SGCD: variants seen among roughly 807,000 people sequenced by gnomAD.
SGCD encodes sarcoglycan delta, also known as delta-sarcoglycan.
A neutral mutation model predicts 36.6 loss-of-function variants in SGCD; 18 were observed. The observed-to-expected ratio is 0.49, with a 90% confidence interval of 0.34 to 0.73. The LOEUF (loss-of-function observed/expected upper bound fraction) is 0.73. Ranked by LOEUF, SGCD falls within the 30% of genes least tolerant of loss-of-function variation. The pLI is 0.01. For synonymous variants in SGCD, 133 were observed against 130.6 expected, an observed-to-expected ratio of 1.02 and a Z score of -0.12; for missense variants, 387 against 346.7, an observed-to-expected ratio of 1.12 and a Z score of -0.92.
intron 4 of SGCD, among the ~76,000 whole-genome samples, chr5:156,561,287 G>C (rs1759257345): frequency 6.6e-6 from 1 of 152,134 alleles, no homozygotes; most frequent in South Asian, 2.1e-4. Flanking sequence ...GACCCTTCCA[G>C]GTCTGGCTTT....
chr5:156,578,998 G>A (rs1227715236), intron 4 of SGCD, among the ~76,000 whole-genome samples: 1 of 152,088 alleles, frequency 6.6e-6, no homozygotes, highest in Admixed American at 6.5e-5. Context: ...TTTTCATTGT[G>A]GTGTTAGGGT....
chr5:156,745,337 C>T (rs1017271992), intron 7 of SGCD, among the ~76,000 whole-genome samples: 1 of 152,190 alleles, frequency 6.6e-6, no homozygotes, highest in African/African-American at 2.4e-5. Context: ...GGCCTTCACT[C>T]TGGTTTGTAG....
At chr5:156,156,990 G>T (rs1229611037) in intron 3 of SGCD, among the ~76,000 whole-genome samples, 2 of 151,518 alleles carry the variant, frequency 1.3e-5, no homozygotes, top group Non-Finnish European at 2.9e-5. Flanking sequence ...TTTAGTTAAA[G>T]CAGGCTCAAA....
intron 1 of SGCD, among the ~76,000 whole-genome samples, chr5:155,897,632 C>A (rs988458851): frequency 6.6e-6 from 1 of 151,506 alleles, no homozygotes; most frequent in South Asian, 2.1e-4. Context: ...TCTTTATATC[C>A]TGATTTCATA....
chr5:155,907,783 A>G (rs941408968), intron 1 of SGCD, among the ~76,000 whole-genome samples: 6 of 152,168 alleles, frequency 3.9e-5, no homozygotes, highest in African/African-American at 1.4e-4. Context: ...TGAAATAACT[A>G]GAAAAGATTT....
At chr5:156,425,590 G>A (rs756880130) in intron 3 of SGCD, among the ~76,000 whole-genome samples, 17 of 151,564 alleles carry the variant, frequency 1.1e-4, no homozygotes, top group Non-Finnish European at 1.9e-4. Context: ...AGTTTTGGGG[G>A]TACATGTTGT....
chr5:156,213,820 A>G (rs1764508506), intron 3 of SGCD, among the ~76,000 whole-genome samples: 1 of 152,078 alleles, frequency 6.6e-6, no homozygotes, highest in South Asian at 2.1e-4. Flanking sequence ...AACATACAGA[A>G]ATCAATAAAT....
rs184508825 is a variant in SGCD at position 156,365,485 on chromosome 5, T to G, written c.192+20808T>G. 1.1e-3 allele frequency among the ~76,000 whole-genome samples: 171 copies of G among 152,322 alleles called. 1 individual carries two copies. The highest frequency in any genetic ancestry group is 2.0e-3 in the Non-Finnish European group (133 of 68,018). On this transcript the variant is annotated intron_variant, in intron 3 of 8. Transcript: ENST00000337851. ...TATCTTCTGACCTGTATTTGTACCC[T>G]GGATGCAAAAATCCAGTGTCAGTAG...
intron 1 of SGCD, among the ~76,000 whole-genome samples, chr5:155,992,347 A>G (rs1301001997): frequency 6.6e-6 from 1 of 152,142 alleles, no homozygotes; most frequent in Non-Finnish European, 1.5e-5. Context: ...GTTTTTCACT[A>G]GCGCTGCCTC....
chr5:156,302,051 C>T (rs1004910358), intron 3 of SGCD, among the ~76,000 whole-genome samples: 1 of 152,004 alleles, frequency 6.6e-6, no homozygotes, highest in Admixed American at 6.6e-5. Flanking sequence ...TGATAACTTT[C>T]CCTAGGTTTG....
At chr5:155,864,499 T>C in the SGCD span, among the ~76,000 whole-genome samples, 1 of 151,602 alleles carries the variant, frequency 6.6e-6, no homozygotes, top group African/African-American at 2.4e-5. Context: ...ATTAATTAAA[T>C]TAAAAAAAAA....
chr5:155,917,362 G>A (rs535055378), intron 1 of SGCD, among the ~76,000 whole-genome samples: 2 of 152,316 alleles, frequency 1.3e-5, no homozygotes, highest in South Asian at 2.1e-4. Flanking sequence ...TAGAACTGTG[G>A]TGAGGACTGA....
At chr5:156,076,187 T>A (rs937470406) in intron 1 of SGCD, among the ~76,000 whole-genome samples, 1 of 152,120 alleles carries the variant, frequency 6.6e-6, no homozygotes, top group African/African-American at 2.4e-5. Context: ...TGTTTTGCTC[T>A]GGTTGCTTCA....
chr5:156,675,922 G>A lies in SGCD; in HGVS notation c.575+28386G>A, dbSNP rs113468792. On this transcript the variant is annotated intron_variant, in intron 7 of 8. Coordinates refer to ENST00000337851, the MANE Select transcript of SGCD (RefSeq NM_000337.6). Reference sequence around the variant, plus strand: ...GACTGATTAAATCAAGCTCCTTAGAGAATCAGACCAAGCAGAAAATCTCAG... The same window carrying A: ...GACTGATTAAATCAAGCTCCTTAGAAAATCAGACCAAGCAGAAAATCTCAG... Among the ~76,000 whole-genome samples, 401 of 152,266 alleles carry A rather than the reference G, an allele frequency of 2.6e-3. 2 individuals are homozygous for A. Among genetic ancestry groups the A allele is most frequent in the African/African-American group, 9.2e-3 (383 of 41,548 alleles).
upstream of SGCD, among the ~76,000 whole-genome samples, chr5:155,868,861 A>G (rs992144664): frequency 6.6e-6 from 1 of 152,316 alleles, no homozygotes; most frequent in Middle Eastern, 3.4e-3. Context: ...GTGCAGATAG[A>G]GGAAGCAACT....
At chr5:156,101,935 TGTGTGTGAGAGA>T (rs1451782858) in intron 1 of SGCD, among the ~76,000 whole-genome samples, 1 of 150,114 alleles carries the variant, frequency 6.7e-6, no homozygotes, top group African/African-American at 2.5e-5. Flanking sequence ...TGTGTGTGTG[TGTGTGTGAGAGA>T]GAGAGAGAGA....
chr5:156,362,947 C>G (rs1424322344), intron 3 of SGCD, among the ~76,000 whole-genome samples: 1 of 152,090 alleles, frequency 6.6e-6, no homozygotes, highest in Non-Finnish European at 1.5e-5. Flanking sequence ...TATGGCTTTA[C>G]ATCTGGGATA....
intron 6 of SGCD, among the ~76,000 whole-genome samples, chr5:156,627,638 T>C (rs1249147676): frequency 6.6e-6 from 1 of 152,194 alleles, no homozygotes; most frequent in Admixed American, 6.5e-5. Context: ...GCCCACTTTA[T>C]AGGTACAGGA....
chr5:155,804,666 A>G, the SGCD span, among the ~76,000 whole-genome samples: 1 of 152,200 alleles, frequency 6.6e-6, no homozygotes, highest in African/African-American at 2.4e-5. Context: ...CAGTTTATTC[A>G]GTACCCAATC....
Sources: gnomAD v4.1 joint callset for allele counts (sites outside exome capture counted in the v4.1 genomes callset) on GRCh38, gnomAD v4.1.1 for gene constraint, MANE v1.5 for transcripts, NCBI Gene and HGNC (gene_info 2026-07-23, HGNC 2026-07-21) for gene names.